Variants in ZFHX3 observed in about 807,000 individuals in gnomAD.
The protein encoded by ZFHX3 is zinc finger homeobox 3, also known as zinc finger homeobox protein 3.
ZFHX3 carries 42 observed loss-of-function variants against 279.1 expected under a neutral mutation model. The observed-to-expected ratio is 0.15, with a 90% confidence interval of 0.12 to 0.19. ZFHX3 has a LOEUF of 0.19. Among genes scored for constraint, ZFHX3 ranks in the 10% least tolerant of loss-of-function variants. The pLI is 1.00. For synonymous variants in ZFHX3, 2,293 were observed against 1,957.8 expected, an observed-to-expected ratio of 1.17 and a Z score of -4.52; for missense variants, 4,981 against 4,754.0, an observed-to-expected ratio of 1.05 and a Z score of -1.40.
chr16:73,330,141 C>A (rs987248023), intron 3 of ZFHX3, among the ~76,000 whole-genome samples: 5 of 152,002 alleles, frequency 3.3e-5, no homozygotes, highest in Non-Finnish European at 7.4e-5. Context: ...GCAGAAGGAG[C>A]CTCACACTTA....
intron 1 of ZFHX3, among the ~76,000 whole-genome samples, chr16:73,864,001 G>T (rs183815160): frequency 4.6e-5 from 7 of 152,168 alleles, no homozygotes; most frequent in Non-Finnish European, 7.3e-5. Flanking sequence ...AGTAATTCCA[G>T]CTTCAAGTCA....
chr16:72,945,447 C>A (rs182508159), intron 3 of ZFHX3, among the ~76,000 whole-genome samples: 1 of 152,150 alleles, frequency 6.6e-6, no homozygotes, highest in African/African-American at 2.4e-5. Context: ...CAGAGACCCA[C>A]GTCCCACCAG....
intron 5 of ZFHX3, among the ~76,000 whole-genome samples, chr16:73,175,272 T>G (rs8055289): frequency 1.3e-5 from 2 of 151,860 alleles, no homozygotes; most frequent in South Asian, 4.2e-4. Flanking sequence ...CCCAGCTACT[T>G]GAGATGCTGA....
At chr16:73,272,010 C>G (rs1221051351) in intron 4 of ZFHX3, among the ~76,000 whole-genome samples, 1 of 152,182 alleles carries the variant, frequency 6.6e-6, no homozygotes, top group Non-Finnish European at 1.5e-5. Flanking sequence ...GTTTTTCAGA[C>G]AAGCAACCCA....
chr16:73,034,388 T>C (rs1210340839), intron 1 of ZFHX3, among the ~76,000 whole-genome samples: 1 of 152,172 alleles, frequency 6.6e-6, no homozygotes, highest in Non-Finnish European at 1.5e-5. Flanking sequence ...ACTCTCATCT[T>C]GGGGGGCACT....
At chr16:72,910,623 A>G (rs1439838742) in intron 3 of ZFHX3, among the ~76,000 whole-genome samples, 11 of 152,194 alleles carry the variant, frequency 7.2e-5, no homozygotes, top group Admixed American at 7.2e-4. Context: ...TCCTCTGTTT[A>G]ATGGACACAG....
chr16:73,824,604 A>G (rs1225604581), intron 1 of ZFHX3, among the ~76,000 whole-genome samples: 193 of 110,140 alleles, frequency 1.8e-3, no homozygotes, highest in African/African-American at 5.9e-3. Context: ...TCCTGTGTCC[A>G]TGTGATCTCA....
chr16:73,145,797 C>T (rs967541052), intron 5 of ZFHX3, among the ~76,000 whole-genome samples: 1 of 152,174 alleles, frequency 6.6e-6, no homozygotes, highest in Non-Finnish European at 1.5e-5. Flanking sequence ...CTGATTGGTT[C>T]TTGAAATGAA....
At chr16:73,593,758 G>C (rs560916614) in intron 2 of ZFHX3, among the ~76,000 whole-genome samples, 1 of 152,240 alleles carries the variant, frequency 6.6e-6, no homozygotes, top group African/African-American at 2.4e-5. Context: ...TGACTGTACT[G>C]TAAGTCACCA....
intron 1 of ZFHX3, among the ~76,000 whole-genome samples, chr16:73,885,568 G>T (rs956186480): frequency 6.6e-6 from 1 of 152,008 alleles, no homozygotes; most frequent in Non-Finnish European, 1.5e-5. Flanking sequence ...TTTTTCCGTG[G>T]ATCAGCCTCC....
intron 4 of ZFHX3, among the ~76,000 whole-genome samples, chr16:73,260,696 T>C (rs1298292869): frequency 1.8e-4 from 25 of 141,036 alleles, no homozygotes; most frequent in Non-Finnish European, 3.2e-4. Flanking sequence ...TTTTTTTTTT[T>C]TTTTTTTTTT....
intron 2 of ZFHX3, among the ~76,000 whole-genome samples, chr16:73,540,423 C>G (rs1313809069): frequency 6.6e-6 from 1 of 152,040 alleles, no homozygotes; most frequent in Non-Finnish European, 1.5e-5. Context: ...TCTTCAGGTC[C>G]CCAAAGATCC....
chr16:73,522,135 T>C (rs2019618095), intron 2 of ZFHX3, among the ~76,000 whole-genome samples: 2 of 152,234 alleles, frequency 1.3e-5, no homozygotes, highest in Non-Finnish European at 2.9e-5. Context: ...AGCATGGATG[T>C]CCATTGATTT....
chr16:73,769,813 C>A (rs2142291179), intron 1 of ZFHX3, among the ~76,000 whole-genome samples: 1 of 152,284 alleles, frequency 6.6e-6, no homozygotes, highest in South Asian at 2.1e-4. Context: ...TACCCATAAT[C>A]CCTATCCCTT....
At chr16:73,328,684 C>T (rs753752915) in intron 3 of ZFHX3, among the ~76,000 whole-genome samples, 2 of 152,084 alleles carry the variant, frequency 1.3e-5, no homozygotes, top group Non-Finnish European at 2.9e-5. Context: ...AAACCAAATA[C>T]GATGTGTGGT....
intron 2 of ZFHX3, among the ~76,000 whole-genome samples, chr16:73,677,427 TA>T (rs2052965788): frequency 6.6e-6 from 1 of 150,904 alleles, no homozygotes; most frequent in South Asian, 2.1e-4. Flanking sequence ...TTTTTATTAA[TA>T]AACAACAACA....
At chr16:73,479,263 G>C (rs1281537149) in intron 2 of ZFHX3, among the ~76,000 whole-genome samples, 1 of 152,096 alleles carries the variant, frequency 6.6e-6, no homozygotes, top group Non-Finnish European at 1.5e-5. Flanking sequence ...CCAACCTCCA[G>C]ACCCAGCAGC....
chr16:72,836,869 G>C (rs767303040), intron 4 of ZFHX3, among the ~76,000 whole-genome samples: 3 of 152,172 alleles, frequency 2.0e-5, no homozygotes, highest in African/African-American at 7.2e-5. Flanking sequence ...GTGGGAGGGT[G>C]GGGGCAGGAG....
intron 5 of ZFHX3, among the ~76,000 whole-genome samples, chr16:72,815,405 CAAA>C (rs369741126): frequency 5.4e-5 from 5 of 93,068 alleles, no homozygotes; most frequent in Non-Finnish European, 4.7e-5. Flanking sequence ...GAGACTGTCT[CAAA>C]AAAAAAAAAA....
Sources: gnomAD v4.1 joint callset for allele counts (sites outside exome capture counted in the v4.1 genomes callset) on GRCh38, gnomAD v4.1.1 for gene constraint, MANE v1.5 for transcripts, NCBI Gene and HGNC (gene_info 2026-07-23, HGNC 2026-07-21) for gene names.